Variants in GRIA1 observed in about 807,000 individuals in gnomAD.
GRIA1 encodes the protein glutamate ionotropic receptor AMPA type subunit 1, also known as glutamate receptor 1.
A neutral mutation model predicts 99.2 loss-of-function variants in GRIA1; 31 were observed. That is an observed-to-expected ratio of 0.31 (90% CI 0.23 to 0.42). The LOEUF (loss-of-function observed/expected upper bound fraction) is 0.42, where lower values mean the gene tolerates loss of function less well. GRIA1 is among the 10% of genes least tolerant of loss of function. The pLI is 1.00. For missense variants in GRIA1, 782 were observed against 1,157.5 expected, an observed-to-expected ratio of 0.68 and a Z score of 4.71; for synonymous variants, 438 against 432.4, an observed-to-expected ratio of 1.01 and a Z score of -0.16.
intron 2 of GRIA1, among the ~76,000 whole-genome samples, chr5:153,636,432 A>G (rs1458371792): frequency 1.3e-5 from 2 of 152,216 alleles, no homozygotes; most frequent in Admixed American, 1.3e-4. Context: ...TTTCTAAATA[A>G]AGTTTTATTG....
intron 2 of GRIA1, among the ~76,000 whole-genome samples, chr5:153,634,676 C>T (rs540496425): frequency 3.6e-4 from 55 of 152,320 alleles, no homozygotes; most frequent in Middle Eastern, 3.4e-3. Flanking sequence ...GGCAAGTATA[C>T]GTGCATTGCA....
At chr5:153,603,608 C>T (rs1181690816) in intron 2 of GRIA1, among the ~76,000 whole-genome samples, 13 of 152,122 alleles carry the variant, frequency 8.5e-5, no homozygotes, top group African/African-American at 2.4e-4. Context: ...ATTTTCATAC[C>T]GAATATGTAA....
intron 15 of GRIA1, 72 bp downstream of exon 15, chr5:153,802,562 G>T (rs1766122819): frequency 9.5e-6 from 14 of 1,473,060 alleles, no homozygotes; most frequent in Non-Finnish European, 1.3e-5. Flanking sequence ...GAGTCCCTTT[G>T]CTAGAAAGGG....
chr5:153,665,768 A>G (rs1270589861), intron 5 of GRIA1, among the ~76,000 whole-genome samples: 1 of 152,136 alleles, frequency 6.6e-6, no homozygotes, highest in Non-Finnish European at 1.5e-5. Context: ...TTGGGGGAGA[A>G]CTCTCATATA....
chr5:153,615,173 T>G (rs1297790049), intron 2 of GRIA1, among the ~76,000 whole-genome samples: 8 of 152,226 alleles, frequency 5.3e-5, no homozygotes, highest in Admixed American at 5.2e-4. Context: ...AACAGACATT[T>G]ATTTAGTAAT....
At chr5:153,759,423 G>A (rs1376302432) in intron 11 of GRIA1, among the ~76,000 whole-genome samples, 1 of 151,772 alleles carries the variant, frequency 6.6e-6, no homozygotes, top group Non-Finnish European at 1.5e-5. Flanking sequence ...AGAGACTGTT[G>A]TGATAACTAT....
intron 2 of GRIA1, among the ~76,000 whole-genome samples, chr5:153,585,730 C>T (rs1330183654): frequency 6.6e-6 from 1 of 152,142 alleles, no homozygotes; most frequent in African/African-American, 2.4e-5. Flanking sequence ...CTAGATTCCT[C>T]TTCCCGTCCT....
rs964099223 is a variant in GRIA1 at position 153,682,885 on chromosome 5, C to T, written c.1030-3340C>T. ...TAATAGAGACATTAACCCGCATTCT[C>T]TCAGCACCAAGCAGGAAAGGAAATA... On this transcript the variant is annotated intron_variant, in intron 7 of 15. Transcript: ENST00000285900. Among the ~76,000 whole-genome samples, 5 of 152,330 alleles carry T rather than the reference C, an allele frequency of 3.3e-5. No individual in the cohort carries two copies. The East Asian group carries it at 9.7e-4, about 29-fold the overall frequency.
At chr5:153,572,824 T>C (rs1227608737) in intron 2 of GRIA1, among the ~76,000 whole-genome samples, 13 of 152,194 alleles carry the variant, frequency 8.5e-5, no homozygotes. Flanking sequence ...AGAGCACATT[T>C]TGTGCATACT....
At chr5:153,539,215 C>T (rs1758852068) in intron 2 of GRIA1, among the ~76,000 whole-genome samples, 1 of 152,084 alleles carries the variant, frequency 6.6e-6, no homozygotes, top group Non-Finnish European at 1.5e-5. Flanking sequence ...TCAACTATTG[C>T]AAATAGAAAA....
chr5:153,607,006 C>T (rs1354570119), intron 2 of GRIA1, among the ~76,000 whole-genome samples: 4 of 146,520 alleles, frequency 2.7e-5, no homozygotes, highest in African/African-American at 1.0e-4. Context: ...TCCCTCTTCC[C>T]ATTCTTTAAA....
chr5:153,756,930 A>G (rs1762871882), intron 11 of GRIA1, among the ~76,000 whole-genome samples: 1 of 152,238 alleles, frequency 6.6e-6, no homozygotes, highest in South Asian at 2.1e-4. Context: ...AGCATTAAGA[A>G]CAATCTTGGA....
chr5:153,606,424 A>G (rs148248395), intron 2 of GRIA1, among the ~76,000 whole-genome samples: 297 of 152,242 alleles, frequency 2.0e-3, no homozygotes, highest in African/African-American at 6.7e-3. Context: ...CCAGCATGTC[A>G]CATTCCAAAT....
intron 12 of GRIA1, among the ~76,000 whole-genome samples, chr5:153,765,967 A>G (rs1763492052): frequency 6.6e-6 from 1 of 152,208 alleles, no homozygotes; most frequent in Non-Finnish European, 1.5e-5. Context: ...GCCTCAGGCA[A>G]AAGAGAAGGG....
chr5:153,521,366 G>C (rs1210541158), intron 2 of GRIA1, among the ~76,000 whole-genome samples: 1 of 152,256 alleles, frequency 6.6e-6, no homozygotes, highest in Non-Finnish European at 1.5e-5. Flanking sequence ...GAGTCAGGCA[G>C]CTGCAGATTC....
chr5:153,532,904 G>A (rs183055875), intron 2 of GRIA1, among the ~76,000 whole-genome samples: 2 of 152,284 alleles, frequency 1.3e-5, no homozygotes, highest in African/African-American at 4.8e-5. Flanking sequence ...TGTATGGCAA[G>A]GACTGAGTCA....
At chr5:153,802,158 A>G (rs1766082486) in intron 14 of GRIA1, among the ~76,000 whole-genome samples, 198 bp from the exon 15 acceptor site, 1 of 152,216 alleles carries the variant, frequency 6.6e-6, no homozygotes, top group South Asian at 2.1e-4. Context: ...GTATAAATAC[A>G]TATACACACA....
intron 6 of GRIA1, among the ~76,000 whole-genome samples, chr5:153,675,160 C>T (rs1038981967): frequency 1.3e-5 from 2 of 152,370 alleles, no homozygotes; most frequent in Admixed American, 6.5e-5. Context: ...AAACTACCCC[C>T]AGTTGGCTGC....
chr5:153,699,693 T>G (rs1214554698), intron 10 of GRIA1, among the ~76,000 whole-genome samples: 1 of 152,222 alleles, frequency 6.6e-6, no homozygotes. Flanking sequence ...GCTGGTTTTT[T>G]TTAATGGTTT....
Sources: gnomAD v4.1 joint callset for allele counts (sites outside exome capture counted in the v4.1 genomes callset) on GRCh38, gnomAD v4.1.1 for gene constraint, MANE v1.5 for transcripts, NCBI Gene and HGNC (gene_info 2026-07-23, HGNC 2026-07-21) for gene names.